The following KIF26B variants were observed in gnomAD, a reference collection of about 807,000 sequenced individuals.
KIF26B encodes kinesin-like protein KIF26B.
In KIF26B, 63 loss-of-function variants were observed where a neutral mutation model predicts 151.2. The ratio of observed to expected loss-of-function variants is 0.42; its 90% CI spans 0.34 to 0.51. The LOEUF (loss-of-function observed/expected upper bound fraction) is 0.51, where lower values mean the gene tolerates loss of function less well. Among genes scored for constraint, KIF26B ranks in the 20% least tolerant of loss-of-function variants. KIF26B has a pLI of 0.07. For synonymous variants in KIF26B, 1,357 were observed against 1,262.1 expected (o/e 1.08, Z -1.59); for missense variants, 2,813 against 2,913.6 (o/e 0.97, Z 0.79).
intron 5 of KIF26B, among the ~76,000 whole-genome samples, chr1:245,568,384 G>A (rs2043032673): frequency 6.6e-6 from 1 of 151,598 alleles, no homozygotes; most frequent in Admixed American, 6.6e-5. Flanking sequence ...GTGTGGTGGT[G>A]CATGCCTGTA....
chr1:245,433,492 G>A (rs1658831436), intron 4 of KIF26B, among the ~76,000 whole-genome samples: 1 of 150,568 alleles, frequency 6.6e-6, no homozygotes, highest in Admixed American at 6.6e-5. Context: ...AGAAGAAGAA[G>A]AAGAAGAAGT....
At chr1:245,291,529 CTCCTAT>C (rs1671252804) in intron 2 of KIF26B, among the ~76,000 whole-genome samples, 1 of 152,280 alleles carries the variant, frequency 6.6e-6, no homozygotes, top group African/African-American at 2.4e-5. Context: ...CGCCCAGGTC[CTCCTAT>C]TCAATGGGTG....
At chr1:245,314,058 G>A (rs939075527) in intron 2 of KIF26B, among the ~76,000 whole-genome samples, 2 of 152,160 alleles carry the variant, frequency 1.3e-5, no homozygotes, top group African/African-American at 4.8e-5. Context: ...TCTTTGTCCA[G>A]GTCTCAGGAG....
chr1:245,402,761 C>G (rs2103027778), intron 3 of KIF26B, among the ~76,000 whole-genome samples: 1 of 152,290 alleles, frequency 6.6e-6, no homozygotes, highest in East Asian at 1.9e-4. Context: ...TTAGTACACA[C>G]TAGGTTTATT....
chr1:245,270,457 C>T (rs1302534939), intron 2 of KIF26B, among the ~76,000 whole-genome samples: 1 of 151,356 alleles, frequency 6.6e-6, no homozygotes, highest in African/African-American at 2.4e-5. Context: ...TAATCATGGC[C>T]ATCCTAACAG....
At chr1:245,474,424 T>G (rs12749927) in intron 4 of KIF26B, among the ~76,000 whole-genome samples, 108,289 of 139,508 alleles carry the variant, frequency 0.78, 42,262 homozygotes, top group Non-Finnish European at 0.81. Flanking sequence ...TGTTGTTGTT[T>G]TTTTTTTTTT....
chr1:245,487,851 C>T (rs955210981), intron 4 of KIF26B, among the ~76,000 whole-genome samples: 9 of 151,292 alleles, frequency 5.9e-5, no homozygotes, highest in Admixed American at 5.3e-4. Flanking sequence ...TACAGTGGCG[C>T]GATATCGGCT....
intron 5 of KIF26B, among the ~76,000 whole-genome samples, chr1:245,577,445 T>A (rs992916653): frequency 2.0e-5 from 3 of 152,178 alleles, no homozygotes; most frequent in African/African-American, 7.2e-5. Context: ...AGAGAATTAG[T>A]CAAGAGCACT....
chr1:245,461,596 C>T (rs546275110), intron 4 of KIF26B, among the ~76,000 whole-genome samples: 1 of 152,246 alleles, frequency 6.6e-6, no homozygotes, highest in African/African-American at 2.4e-5. Context: ...TTGCTCCCAT[C>T]ACCTCCAGCT....
intron 2 of KIF26B, among the ~76,000 whole-genome samples, chr1:245,250,622 T>A (rs565598303): frequency 6.6e-6 from 1 of 152,354 alleles, no homozygotes; most frequent in South Asian, 2.1e-4. Context: ...TATTTTCAGA[T>A]TCTAAAATCC....
intron 4 of KIF26B, among the ~76,000 whole-genome samples, chr1:245,508,680 G>C (rs183022608): frequency 2.8e-4 from 42 of 152,250 alleles, no homozygotes; most frequent in African/African-American, 9.6e-4. Flanking sequence ...CTCCAGAAGA[G>C]TGAGTGTAAG....
chr1:245,604,021 T>G lies in KIF26B; in HGVS notation c.1557+1238T>G, dbSNP rs182203952. On this transcript the variant is annotated intron_variant, in intron 6 of 14. Coordinates refer to ENST00000407071, the MANE Select transcript of KIF26B (RefSeq NM_018012.4). ...TATCTGTTCTCCTTTGGATTCACCC[T>G]GGAGCTTTGGTGAAGATGGGCCTCT... is the stretch of plus-strand genomic sequence containing the variant. 2.7e-3 allele frequency among the ~76,000 whole-genome samples: 418 copies of G among 152,302 alleles called. 2 individuals are homozygous for G. Among genetic ancestry groups the G allele is most frequent in the African/African-American group, 9.3e-3 (388 of 41,566 alleles).
chr1:245,184,334 T>C (rs1485177056), intron 2 of KIF26B, among the ~76,000 whole-genome samples: 1 of 152,034 alleles, frequency 6.6e-6, no homozygotes, highest in African/African-American at 2.4e-5. Context: ...TTAAAACATC[T>C]TGGACATATT....
chr1:245,652,607 C>T (rs1180126352), intron 10 of KIF26B, among the ~76,000 whole-genome samples: 1 of 152,136 alleles, frequency 6.6e-6, no homozygotes, highest in Non-Finnish European at 1.5e-5. Context: ...CTGCCAGGCT[C>T]ATTATAGAAC....
intron 2 of KIF26B, among the ~76,000 whole-genome samples, chr1:245,234,148 C>T (rs1670055559): frequency 3.3e-5 from 5 of 151,510 alleles, no homozygotes; most frequent in Admixed American, 3.3e-4. Context: ...CGCGCCACTG[C>T]ACTTCAGCCT....
chr1:245,499,692 G>A (rs528010723), intron 4 of KIF26B, among the ~76,000 whole-genome samples: 23 of 152,342 alleles, frequency 1.5e-4, no homozygotes, highest in African/African-American at 4.1e-4. Flanking sequence ...CAGAAATCAC[G>A]TTGTCTGGAA....
chr1:245,459,139 A>G (rs1659598543), intron 4 of KIF26B, among the ~76,000 whole-genome samples: 1 of 152,238 alleles, frequency 6.6e-6, no homozygotes, highest in Non-Finnish European at 1.5e-5. Flanking sequence ...AAGTCCCTTC[A>G]GCAGGAATGC....
chr1:245,225,771 TTTA>T (rs759299530), intron 2 of KIF26B, among the ~76,000 whole-genome samples: 3 of 152,080 alleles, frequency 2.0e-5, no homozygotes, highest in South Asian at 2.1e-4. Flanking sequence ...ACAACTAGGT[TTTA>T]TTATTATTAT....
At chr1:245,184,961 T>C (rs10737770) in intron 2 of KIF26B, among the ~76,000 whole-genome samples, 124,964 of 152,160 alleles carry the variant, frequency 0.82, 52,405 homozygotes, top group East Asian at 1. Context: ...CTGTGGCTAT[T>C]TGCAGCCCAG....
Sources: gnomAD v4.1 joint callset for allele counts (sites outside exome capture counted in the v4.1 genomes callset) on GRCh38, gnomAD v4.1.1 for gene constraint, MANE v1.5 for transcripts, NCBI Gene and HGNC (gene_info 2026-07-23, HGNC 2026-07-21) for gene names.